MALRD1: variants seen among roughly 807,000 people sequenced by gnomAD.
The protein encoded by MALRD1 is MAM and LDL-receptor class A domain-containing protein 1.
Under a neutral mutation model 242.1 loss-of-function variants are expected in MALRD1, and 247 were observed. That is an observed-to-expected ratio of 1.02 (90% CI 0.92 to 1.13). The LOEUF (loss-of-function observed/expected upper bound fraction) is 1.13, where lower values mean the gene tolerates loss of function less well. Ranked by LOEUF, MALRD1 falls within the 50% of genes most tolerant of loss-of-function variation. MALRD1 has a pLI of 0.00. For synonymous variants in MALRD1, 995 were observed against 866.6 expected (o/e 1.15, Z -2.60); for missense variants, 2,989 against 2,533.1 (o/e 1.18, Z -3.86).
chr10:19,534,918 G>T (rs983537838), intron 32 of MALRD1, among the ~76,000 whole-genome samples: 1 of 148,116 alleles, frequency 6.8e-6, no homozygotes, highest in African/African-American at 2.6e-5. Flanking sequence ...ATGAAGTCTC[G>T]CTCTGTTGCC....
rs190709155 is a variant in MALRD1 at position 19,724,114 on chromosome 10, T to C, written c.6315-6592T>C. On this transcript the variant is annotated intron_variant, in intron 38 of 39. Coordinates refer to ENST00000454679, the MANE Select transcript of MALRD1 (RefSeq NM_001142308.3). ...TGAGCTCATTTTTCTTTGAATATTT[T>C]CTAAACCTAATTTTAAATATGAACT... 7.2e-5 allele frequency among the ~76,000 whole-genome samples: 11 copies of C among 152,288 alleles called. No individual in the cohort carries two copies. The East Asian group carries it at 2.1e-3, about 29-fold the overall frequency.
intron 23 of MALRD1, among the ~76,000 whole-genome samples, chr10:19,330,967 T>A (rs1001658840): frequency 2.0e-5 from 3 of 152,202 alleles, no homozygotes; most frequent in African/African-American, 7.2e-5. Flanking sequence ...AGAATCTACT[T>A]GTATCTTTTC....
At chr10:19,126,593 G>C (rs998522978) in intron 7 of MALRD1, among the ~76,000 whole-genome samples, 1 of 151,880 alleles carries the variant, frequency 6.6e-6, no homozygotes, top group Non-Finnish European at 1.5e-5. Context: ...GTTTTTAATA[G>C]AATGTATTAG....
chr10:19,299,271 T>C (rs1333938447), intron 21 of MALRD1, among the ~76,000 whole-genome samples: 1 of 151,900 alleles, frequency 6.6e-6, no homozygotes, highest in Admixed American at 6.6e-5. Flanking sequence ...ATAAGTGCCT[T>C]GGGAATTCTG....
At chr10:19,406,267 A>G (rs2130869220) in intron 28 of MALRD1, among the ~76,000 whole-genome samples, 1 of 152,286 alleles carries the variant, frequency 6.6e-6, no homozygotes, top group African/African-American at 2.4e-5. Context: ...TAAAATTCAG[A>G]ATATTTGTTT....
At chr10:19,164,887 A>C (rs1208137308) in intron 12 of MALRD1, among the ~76,000 whole-genome samples, 1 of 152,050 alleles carries the variant, frequency 6.6e-6, no homozygotes, top group African/African-American at 2.4e-5. Flanking sequence ...CCTACCCTCA[A>C]AGAATGTTGT....
rs114380870 is a variant in MALRD1 at position 19,674,095 on chromosome 10, A to G, written c.6138-18187A>G. Among the ~76,000 whole-genome samples, 760 of 152,258 alleles carry G rather than the reference A, an allele frequency of 5.0e-3. 5 individuals carry two copies. The highest frequency in any genetic ancestry group is 0.017 in the African/African-American group (701 of 41,554). Reference sequence around the variant, plus strand: ...AGGGTATAATTTGAGTTAAGACCTCAATTCCATGAAAGCGCAAGATAGTCT... The same window carrying G: ...AGGGTATAATTTGAGTTAAGACCTCGATTCCATGAAAGCGCAAGATAGTCT... On this transcript the variant is annotated intron_variant, in intron 36 of 39. Coordinates refer to ENST00000454679, the MANE Select transcript of MALRD1 (RefSeq NM_001142308.3).
At chr10:19,548,279 G>A (rs1294837805) in intron 32 of MALRD1, among the ~76,000 whole-genome samples, 2 of 152,036 alleles carry the variant, frequency 1.3e-5, no homozygotes, top group South Asian at 2.1e-4. Context: ...GATTACAGGC[G>A]TGAACCACCA....
At chr10:19,438,278 T>G (rs912752184) in intron 28 of MALRD1, among the ~76,000 whole-genome samples, 1 of 152,128 alleles carries the variant, frequency 6.6e-6, no homozygotes, top group African/African-American at 2.4e-5. Flanking sequence ...TCCTCAAATA[T>G]AAAAATGTCC....
chr10:19,440,487 C>T (rs962923094), intron 28 of MALRD1, among the ~76,000 whole-genome samples: 2 of 151,968 alleles, frequency 1.3e-5, no homozygotes, highest in African/African-American at 4.8e-5. Flanking sequence ...AATACTATCC[C>T]TCCCCCCGCA....
At chr10:19,112,251 T>C (rs1360991860) in intron 5 of MALRD1, among the ~76,000 whole-genome samples, 1 of 151,886 alleles carries the variant, frequency 6.6e-6, no homozygotes, top group Non-Finnish European at 1.5e-5. Flanking sequence ...ATGATTGTAC[T>C]TGGGGCAGAG....
chr10:19,453,259 T>C (rs1037138839), intron 29 of MALRD1, among the ~76,000 whole-genome samples: 1 of 152,102 alleles, frequency 6.6e-6, no homozygotes, highest in African/African-American at 2.4e-5. Flanking sequence ...TTACTGATCA[T>C]AAAACATCCC....
Position 19,692,561 on chromosome 10 carries a change from G to C in MALRD1, c.6314+7G>C. 6.5e-7 allele frequency: 1 copy of C among 1,527,640 alleles called. No homozygotes were observed. Among genetic ancestry groups the C allele is most frequent in the African/African-American group, 1.4e-5 (1 of 72,832 alleles). 94.6% of individuals were successfully genotyped at this position (1,527,640 alleles called of 1,614,324 possible). On this transcript the variant is annotated splice_region_variant and intron_variant, in intron 38 of 39. Coordinates refer to ENST00000454679, the MANE Select transcript of MALRD1 (RefSeq NM_001142308.3). ...ACAGAAAGGTACCAATAAGGTAAGT[G>C]ATGCCTTTAGTTGCTAAATGAAATA...
intron 29 of MALRD1, among the ~76,000 whole-genome samples, chr10:19,485,054 T>A (rs979257770): frequency 6.6e-6 from 1 of 152,166 alleles, no homozygotes; most frequent in African/African-American, 2.4e-5. Context: ...GCCACTGTCC[T>A]AAGTGAAGTA....
rs184694291 is a variant in MALRD1 at position 19,584,017 on chromosome 10, C to T, written c.5681-11177C>T. Among the ~76,000 whole-genome samples the T allele has an allele frequency of 1.1e-3, 161 of 151,862 alleles. 1 individual carries two copies. In the East Asian group the frequency reaches 0.022, roughly 21 times the overall value. On this transcript the variant is annotated intron_variant, in intron 33 of 39. Coordinates refer to ENST00000454679, the MANE Select transcript of MALRD1 (RefSeq NM_001142308.3). ...ATTTTCTAGTTTATTTGTGTAGAGG[C>T]GTTTGTAGTATTCTCTGATGGTAGT...
At chr10:19,386,401 A>G (rs1291970033) in intron 26 of MALRD1, among the ~76,000 whole-genome samples, 1 of 97,998 alleles carries the variant, frequency 1.0e-5, no homozygotes, top group Non-Finnish European at 2.1e-5. Flanking sequence ...TCTACCTGGA[A>G]GAAGGAGAAG....
intron 26 of MALRD1, among the ~76,000 whole-genome samples, chr10:19,377,998 G>C (rs1434413937): frequency 3.9e-5 from 6 of 152,066 alleles, no homozygotes; most frequent in Admixed American, 3.9e-4. Context: ...TGTGATTAAA[G>C]TAAGCTGGAC....
At chr10:19,623,831 T>C (rs1189880357) in intron 36 of MALRD1, among the ~76,000 whole-genome samples, 1 of 151,288 alleles carries the variant, frequency 6.6e-6, no homozygotes, top group African/African-American at 2.5e-5. Flanking sequence ...GCTAATCTCT[T>C]CTGGAAACAT....
chr10:19,445,291 G>C (rs190896617), intron 28 of MALRD1, among the ~76,000 whole-genome samples: 1 of 152,070 alleles, frequency 6.6e-6, no homozygotes, highest in Non-Finnish European at 1.5e-5. Flanking sequence ...GTTACCAATC[G>C]TCTGAAGCTT....
Sources: gnomAD v4.1 joint callset for allele counts (sites outside exome capture counted in the v4.1 genomes callset) on GRCh38, gnomAD v4.1.1 for gene constraint, MANE v1.5 for transcripts, NCBI Gene and HGNC (gene_info 2026-07-23, HGNC 2026-07-21) for gene names.